MALRD1: variants seen among roughly 807,000 people sequenced by gnomAD.
MALRD1 encodes MAM and LDL receptor class A domain containing 1.
In MALRD1, 247 loss-of-function variants were observed where a neutral mutation model predicts 242.1. The ratio of observed to expected loss-of-function variants is 1.02; its 90% confidence interval spans 0.92 to 1.13. The LOEUF (loss-of-function observed/expected upper bound fraction) is 1.13, where lower values mean the gene tolerates loss of function less well. Ranked by LOEUF, MALRD1 falls within the 50% of genes most tolerant of loss-of-function variation. MALRD1 has a pLI of 0.00. For missense variants in MALRD1, 2,989 were observed against 2,533.1 expected, an observed-to-expected ratio of 1.18 and a Z score of -3.86; for synonymous variants, 995 against 866.6, an observed-to-expected ratio of 1.15 and a Z score of -2.60.
rs190477040 is a variant in MALRD1 at position 19,217,078 on chromosome 10, T to G, written c.2991+7398T>G. Among the ~76,000 whole-genome samples the G allele has an allele frequency of 1.8e-3, 277 of 152,384 alleles. 1 individual carries two copies. The highest frequency in any genetic ancestry group is 3.4e-3 in the Non-Finnish European group (231 of 68,042). ...TTTGGTCTGCATCTCCAACCATAGC[T>G]AGTTGCAGTAGGACCCTCTGTCTGG... On this transcript the variant is annotated intron_variant, in intron 18 of 39. Transcript: ENST00000454679.
At chr10:19,139,492 T>C (rs1277704068) in intron 10 of MALRD1, among the ~76,000 whole-genome samples, 2 of 152,144 alleles carry the variant, frequency 1.3e-5, no homozygotes, top group Non-Finnish European at 2.9e-5. Flanking sequence ...GTGCAGGCAG[T>C]TTGAATAGCA....
intron 26 of MALRD1, among the ~76,000 whole-genome samples, chr10:19,367,694 C>T (rs561093333): frequency 2.0e-5 from 3 of 152,204 alleles, no homozygotes; most frequent in African/African-American, 7.2e-5. Flanking sequence ...TACTGTTCTT[C>T]GTAGTGGCTG....
At chr10:19,088,319 C>G in intron 4 of MALRD1, 134 bp downstream of exon 4, 1 of 780,030 alleles carries the variant, frequency 1.3e-6, no homozygotes, top group Non-Finnish European at 1.7e-6. Flanking sequence ...CTTTCAAATG[C>G]TGAAAGTGGA....
rs1437405103 is a variant in MALRD1 at position 19,573,829 on chromosome 10, T to C, written c.5680+6126T>C. Among the ~76,000 whole-genome samples, 3 of 152,066 alleles carry C rather than the reference T, an allele frequency of 2.0e-5. No individual in the cohort carries two copies. The East Asian group carries it at 5.8e-4, about 29-fold the overall frequency. The stretch of plus-strand genomic sequence containing the variant: ...AACTCCCTTAAATAAATACAATAAA[T>C]AATGAGGTGCTACAACATGTTCAAA... On this transcript the variant is annotated intron_variant, in intron 33 of 39. Transcript: ENST00000454679.
intron 31 of MALRD1, among the ~76,000 whole-genome samples, chr10:19,520,825 T>C (rs1053443703): frequency 6.6e-6 from 1 of 152,204 alleles, no homozygotes; most frequent in African/African-American, 2.4e-5. Flanking sequence ...AACAGTAATT[T>C]TCATTTTGCT....
At chr10:19,125,538 TC>T (rs1837257315) in intron 7 of MALRD1, among the ~76,000 whole-genome samples, 1 of 151,372 alleles carries the variant, frequency 6.6e-6, no homozygotes. Context: ...TGCTTTTTTT[TC>T]TTTCTTCCTT....
At chr10:19,594,715 A>C (rs1211487669) in intron 33 of MALRD1, among the ~76,000 whole-genome samples, 1 of 152,170 alleles carries the variant, frequency 6.6e-6, no homozygotes, top group Non-Finnish European at 1.5e-5. Flanking sequence ...CCATTATTCT[A>C]AATGAAGTAA....
intron 1 of MALRD1, among the ~76,000 whole-genome samples, chr10:19,065,423 G>A (rs1834948292): frequency 6.6e-6 from 1 of 152,052 alleles, no homozygotes; most frequent in African/African-American, 2.4e-5. Flanking sequence ...TGGCACTAGT[G>A]GGAGTGTCTT....
intron 29 of MALRD1, among the ~76,000 whole-genome samples, chr10:19,490,602 A>C (rs940336545): frequency 1.3e-5 from 2 of 151,912 alleles, no homozygotes; most frequent in African/African-American, 4.8e-5. Context: ...AAACAACACT[A>C]ACTGAGGTAG....
intron 12 of MALRD1, among the ~76,000 whole-genome samples, chr10:19,159,507 C>T (rs1166086897): frequency 1.3e-5 from 2 of 151,604 alleles, no homozygotes; most frequent in African/African-American, 2.4e-5. Flanking sequence ...GGAGTAAAAT[C>T]GAGAATGGCC....
At chr10:19,255,915 A>G (rs1294669278) in intron 18 of MALRD1, among the ~76,000 whole-genome samples, 1 of 152,026 alleles carries the variant, frequency 6.6e-6, no homozygotes, top group Non-Finnish European at 1.5e-5. Flanking sequence ...TTTGTCTTAA[A>G]TTTTCATAAA....
chr10:19,088,342 T>C (rs548471674), intron 4 of MALRD1, among the ~76,000 whole-genome samples, 157 bp downstream of exon 4: 26 of 152,038 alleles, frequency 1.7e-4, no homozygotes, highest in Non-Finnish European at 1.3e-4. Context: ...TCTCAGGCAA[T>C]TTGGGATGGC....
At chr10:19,065,085 C>T (rs554130847) in intron 1 of MALRD1, among the ~76,000 whole-genome samples, 108 of 151,604 alleles carry the variant, frequency 7.1e-4, no homozygotes, top group African/African-American at 2.5e-3. Context: ...GTCAGGAGTT[C>T]GAGACCAGCC....
At chr10:19,147,078 A>G (rs1382967041) in intron 11 of MALRD1, among the ~76,000 whole-genome samples, 1 of 152,016 alleles carries the variant, frequency 6.6e-6, no homozygotes, top group Non-Finnish European at 1.5e-5. Context: ...GTTGATCTCA[A>G]ACTCCTGGCC....
intron 33 of MALRD1, among the ~76,000 whole-genome samples, chr10:19,568,944 T>C (rs1836379052): frequency 6.6e-6 from 1 of 152,150 alleles, no homozygotes; most frequent in East Asian, 1.9e-4. Context: ...AGATTCTAGA[T>C]ACATATTCAC....
At chr10:19,641,990 T>A (rs1483455599) in intron 36 of MALRD1, among the ~76,000 whole-genome samples, 3 of 152,124 alleles carry the variant, frequency 2.0e-5, no homozygotes, top group Non-Finnish European at 4.4e-5. Flanking sequence ...GATTAATGCA[T>A]AATCTGCCTC....
intron 32 of MALRD1, among the ~76,000 whole-genome samples, chr10:19,562,381 A>T (rs1398731726): frequency 6.6e-6 from 1 of 152,062 alleles, no homozygotes. Context: ...AGAGAACTTG[A>T]TGAGACTTCT....
intron 36 of MALRD1, among the ~76,000 whole-genome samples, chr10:19,624,126 C>G (rs1839533614): frequency 6.6e-6 from 1 of 151,676 alleles, no homozygotes; most frequent in African/African-American, 2.4e-5. Context: ...ACTACATATT[C>G]ATTCACTTTG....
chr10:19,513,133 T>C (rs1833476778), intron 31 of MALRD1, among the ~76,000 whole-genome samples: 1 of 152,110 alleles, frequency 6.6e-6, no homozygotes, highest in South Asian at 2.1e-4. Flanking sequence ...TGTTAAAAGG[T>C]AATCCCCAGT....
Sources: allele counts gnomAD v4.1 joint callset (sites outside exome capture counted in the v4.1 genomes callset), GRCh38; gene constraint gnomAD v4.1.1; transcripts MANE v1.5; gene names NCBI Gene and HGNC (gene_info 2026-07-23, HGNC 2026-07-21).